Variants in ADGRL2 observed in about 807,000 individuals in gnomAD.
The protein encoded by ADGRL2 is adhesion G protein-coupled receptor L2.
In ADGRL2, 44 loss-of-function variants were observed where a neutral mutation model predicts 157.4. The observed-to-expected ratio is 0.28, with a 90% confidence interval of 0.22 to 0.36. The LOEUF (loss-of-function observed/expected upper bound fraction) is 0.36, where lower values mean the gene tolerates loss of function less well. Among genes scored for constraint, ADGRL2 ranks in the 10% least tolerant of loss-of-function variants. The pLI, the probability that ADGRL2 is intolerant of heterozygous loss-of-function variation, is 1.00. For synonymous variants in ADGRL2, 585 were observed against 624.7 expected, an observed-to-expected ratio of 0.94 and a Z score of 0.95; for missense variants, 1,510 against 1,768.9, an observed-to-expected ratio of 0.85 and a Z score of 2.63.
At chr1:81,316,203 C>T (rs1660099708) in intron 1 of ADGRL2, among the ~76,000 whole-genome samples, 1 of 151,514 alleles carries the variant, frequency 6.6e-6, no homozygotes. Flanking sequence ...GTTTATTTTT[C>T]AAAGAAAATC....
intron 1 of ADGRL2, among the ~76,000 whole-genome samples, chr1:81,720,458 C>T (rs181050515): frequency 6.6e-6 from 1 of 152,138 alleles, no homozygotes; most frequent in Non-Finnish European, 1.5e-5. Context: ...AGGCATGAGT[C>T]ACTGCGCCCG....
At chr1:81,373,985 G>A (rs560487966) in intron 1 of ADGRL2, among the ~76,000 whole-genome samples, 17 of 152,194 alleles carry the variant, frequency 1.1e-4, no homozygotes, top group African/African-American at 4.1e-4. Flanking sequence ...ATAAATCTTA[G>A]ATTCAAGGAT....
intron 2 of ADGRL2, among the ~76,000 whole-genome samples, chr1:81,481,370 A>G (rs1329937307): frequency 6.6e-6 from 1 of 152,216 alleles, no homozygotes; most frequent in Non-Finnish European, 1.5e-5. Flanking sequence ...GACAGAAAGA[A>G]ATTAGAAGGA....
intron 3 of ADGRL2, among the ~76,000 whole-genome samples, chr1:81,619,725 G>A: frequency 9.8e-6 from 1 of 102,466 alleles, no homozygotes; most frequent in East Asian, 3.0e-4. Context: ...AAAGAGGGGT[G>A]TGTGTATGTG....
At chr1:81,317,433 C>G (rs1660181709) in intron 1 of ADGRL2, among the ~76,000 whole-genome samples, 1 of 152,140 alleles carries the variant, frequency 6.6e-6, no homozygotes, top group Non-Finnish European at 1.5e-5. Context: ...GATGGCATTC[C>G]TTGGTGTTAC....
chr1:81,568,241 T>C (rs751070878), intron 2 of ADGRL2, among the ~76,000 whole-genome samples: 10 of 152,160 alleles, frequency 6.6e-5, no homozygotes, highest in Non-Finnish European at 1.2e-4. Context: ...TCATTGTCTC[T>C]GAACTTTCTT....
intron 2 of ADGRL2, among the ~76,000 whole-genome samples, chr1:81,856,270 G>T (rs899149195): frequency 1.3e-5 from 2 of 152,010 alleles, no homozygotes; most frequent in African/African-American, 4.8e-5. Flanking sequence ...TTTGTTTTAG[G>T]ATATCTGGGG....
intron 3 of ADGRL2, among the ~76,000 whole-genome samples, chr1:81,933,860 A>G (rs1236396671): frequency 6.6e-6 from 1 of 152,064 alleles, no homozygotes; most frequent in African/African-American, 2.4e-5. Flanking sequence ...GCAAAGTTCT[A>G]ATTTTCTTGT....
intron 1 of ADGRL2, among the ~76,000 whole-genome samples, chr1:81,805,936 AAAATGT>A (rs2089072868): frequency 6.6e-6 from 1 of 152,110 alleles, no homozygotes; most frequent in African/African-American, 2.4e-5. Context: ...CTAAAGGTGC[AAAATGT>A]AGTGAAAAGA....
intron 1 of ADGRL2, among the ~76,000 whole-genome samples, chr1:81,346,651 G>A (rs1662503186): frequency 6.6e-6 from 1 of 152,020 alleles, no homozygotes. Flanking sequence ...CCATATGATG[G>A]CACAATGAGA....
At chr1:81,338,974 T>C (rs1286032013) in intron 1 of ADGRL2, among the ~76,000 whole-genome samples, 2 of 152,254 alleles carry the variant, frequency 1.3e-5, no homozygotes, top group Admixed American at 6.5e-5. Flanking sequence ...CCTGGAATGC[T>C]CTTCTTTCAT....
chr1:81,528,683 A>G (rs1422356896), intron 2 of ADGRL2, among the ~76,000 whole-genome samples: 2 of 150,486 alleles, frequency 1.3e-5, no homozygotes, highest in African/African-American at 4.9e-5. Context: ...AAAGAAAAAG[A>G]AACTGGCCCT....
At chr1:81,903,604 A>G (rs1411146547) in intron 2 of ADGRL2, among the ~76,000 whole-genome samples, 1 of 151,584 alleles carries the variant, frequency 6.6e-6, no homozygotes, top group African/African-American at 2.4e-5. Flanking sequence ...AACATAAAAC[A>G]AAGTGATCCA....
chr1:81,707,796 C>T (rs543207138), intron 1 of ADGRL2, among the ~76,000 whole-genome samples: 1 of 152,118 alleles, frequency 6.6e-6, no homozygotes, highest in Non-Finnish European at 1.5e-5. Context: ...TAGCCACCCA[C>T]AGCTCCTCTT....
intron 3 of ADGRL2, among the ~76,000 whole-genome samples, chr1:81,673,418 C>CATATTTGCTAATATGGTTTGTGT (rs1398589831): frequency 2.0e-5 from 3 of 151,632 alleles, no homozygotes; most frequent in African/African-American, 7.3e-5. Flanking sequence ...AGAATTTGTG[C>CATATTTGCTAATATGGTTTGTGT]ATATTTGCTA....
At chr1:81,982,226 G>A (rs547829499) in intron 19 of ADGRL2, among the ~76,000 whole-genome samples, 8 of 151,902 alleles carry the variant, frequency 5.3e-5, no homozygotes, top group African/African-American at 1.2e-4. Context: ...TTCCTTGCTC[G>A]TAGGGTCTAT....
At chr1:81,331,969 T>C (rs1661295910) in intron 1 of ADGRL2, among the ~76,000 whole-genome samples, 1 of 152,170 alleles carries the variant, frequency 6.6e-6, no homozygotes, top group African/African-American at 2.4e-5. Context: ...TTGTATCTGT[T>C]GACCTAGGGG....
rs1012973923 is a variant in ADGRL2, at chr1:81,473,744, G to A, written c.-248+28655G>A. Among the ~76,000 whole-genome samples the A allele has an allele frequency of 5.3e-5, 8 of 151,946 alleles. No individual in the cohort carries two copies. In the South Asian group the frequency reaches 6.2e-4, roughly 12 times the overall value. The stretch of plus-strand genomic sequence containing the variant: ...AAACTATAGGCCTATCAAGGGTAGC[G>A]CTGCAGCATCTTATTTCCACTGGGC... On this transcript the variant is annotated intron_variant, in intron 2 of 24. Transcript: ENST00000370721.
chr1:81,522,839 A>G (rs2148178894), intron 2 of ADGRL2, among the ~76,000 whole-genome samples: 2 of 152,338 alleles, frequency 1.3e-5, no homozygotes, highest in African/African-American at 4.8e-5. Flanking sequence ...AATTGAGTAT[A>G]CAAATTTTAC....
Sources: gnomAD v4.1 joint callset for allele counts (sites outside exome capture counted in the v4.1 genomes callset) on GRCh38, gnomAD v4.1.1 for gene constraint, MANE v1.5 for transcripts, NCBI Gene and HGNC (gene_info 2026-07-23, HGNC 2026-07-21) for gene names.